The following TOR1B variants were observed in gnomAD, a reference collection of about 807,000 sequenced individuals.
TOR1B encodes torsin family 1 member B.
A neutral mutation model predicts 29.2 loss-of-function variants in TOR1B; 14 were observed. The ratio of observed to expected loss-of-function variants is 0.48; its 90% confidence interval spans 0.32 to 0.75. The LOEUF (loss-of-function observed/expected upper bound fraction) is 0.75, where lower values mean the gene tolerates loss of function less well. TOR1B is among the 30% of genes least tolerant of loss of function. TOR1B has a pLI of 0.04. For synonymous variants in TOR1B, 166 were observed against 179.8 expected, an observed-to-expected ratio of 0.92 and a Z score of 0.62; for missense variants, 400 against 433.9, an observed-to-expected ratio of 0.92 and a Z score of 0.69.
Position 129,807,305 on chromosome 9 carries a change from GACT to G in TOR1B, c.589_591del (p.Tyr197del), listed in dbSNP as rs779503009. 2.3e-5 allele frequency: 37 copies of G among 1,614,080 alleles called. No homozygotes were observed. Among genetic ancestry groups the G allele is most frequent in the Non-Finnish European group, 3.1e-5 (36 of 1,180,054 alleles). ...CATTGACGCAATCAAGCCGTTTCTA[GACT>G]ACTACGAGCAGGTTGACGGAGTGTC... On this transcript the variant is annotated inframe_deletion, in exon 3 of 5. Coordinates refer to ENST00000259339, the MANE Select transcript of TOR1B (RefSeq NM_014506.3).
intron 2 of TOR1B, 46 bp downstream of exon 2, chr9:129,804,384 T>A (rs779585945): frequency 1.9e-6 from 3 of 1,596,130 alleles, no homozygotes; most frequent in Non-Finnish European, 2.6e-6. Flanking sequence ...GTCGGACTGG[T>A]CCGGGTGACC....
rs887772534 is a variant in TOR1B, at chr9:129,810,353, G to C, written c.*770G>C. ...AGCTGACCTGTGTGTGTGTGTGTGG[G>C]GGGGTGGGGCCTTCACCTAAGACCT... is the stretch of plus-strand genomic sequence containing the variant. On this transcript the variant is annotated 3_prime_UTR_variant, in exon 5 of 5. Transcript: ENST00000259339. 1.4e-4 allele frequency: 148 copies of C among 1,092,832 alleles called. 4 individuals carry two copies. Among genetic ancestry groups the C allele is most frequent in the Non-Finnish European group, 1.7e-4 (138 of 822,934 alleles). 67.7% of individuals were successfully genotyped at this position (1,092,832 alleles called of 1,614,324 possible).
intron 3 of TOR1B, 48 bp downstream of exon 3, chr9:129,807,411 A>C: frequency 6.3e-7 from 1 of 1,596,190 alleles, no homozygotes; most frequent in Non-Finnish European, 8.6e-7. Context: ...TCATTCTCTC[A>C]ATGATAAAAT....
In TOR1B at chr9:129,809,554, A is replaced by G; in HGVS notation, c.982A>G (p.Thr328Ala). ...AATCTACTCAGACAAGGGCTGCAAG[A>G]CTGTGCAGTCGCGGCTGGATTTCCA... ...EKIYSDKGCK[T>A]VQSRLDFH Residue 328 changes from threonine (T) to alanine (A), a missense_variant, in exon 5 of 5, where the codon ACT (threonine) becomes GCT (alanine). Physicochemically the swap from Thr to Ala is moderately conservative, Grantham distance 58. Transcript: ENST00000259339. 6.2e-7 allele frequency: 1 copy of G among 1,614,190 alleles called. No individual in the cohort carries two copies. Among genetic ancestry groups the G allele is most frequent in the Non-Finnish European group, 8.5e-7 (1 of 1,180,036 alleles).
At chr9:129,806,295 G>A (rs1389901516) in intron 2 of TOR1B, among the ~76,000 whole-genome samples, 4 of 152,156 alleles carry the variant, frequency 2.6e-5, no homozygotes, top group Non-Finnish European at 4.4e-5. Context: ...ATAAATCTCC[G>A]GAAACAGAGT....
Position 129,803,310 on chromosome 9 carries a change from C to T in TOR1B, c.98C>T (p.Ala33Val). The T allele has an allele frequency of 1.3e-6, 2 of 1,589,986 alleles. No individual in the cohort carries two copies. The highest frequency in any genetic ancestry group is 1.7e-6 in the Non-Finnish European group (2 of 1,171,998). Residue 33 changes from alanine to valine, a missense_variant, in exon 1 of 5, where the codon GCC (alanine) becomes GTC (valine). By Grantham distance (64) the Ala-to-Val change is moderately conservative. Coordinates refer to ENST00000259339, the MANE Select transcript of TOR1B (RefSeq NM_014506.3). ...TTCGAGCCCATCACCGTGGGCCTAG[C>T]CATCGGGGCCGCGTCGGCCATCACC... is the stretch of plus-strand genomic sequence containing the variant. ...AAFEPITVGL[A>V]IGAASAITGY...
intron 1 of TOR1B, 102 bp downstream of exon 1, chr9:129,803,513 T>G: frequency 8.8e-7 from 1 of 1,140,358 alleles, no homozygotes. Context: ...ACCGGGCCCG[T>G]GGCATCTAGA....
chr9:129,803,358 T>C lies in TOR1B; in HGVS notation c.146T>C (p.Ile49Thr). The C allele has an allele frequency of 6.3e-7, 1 of 1,578,530 alleles. No homozygotes were observed. Among genetic ancestry groups the C allele is most frequent in the Non-Finnish European group, 8.6e-7 (1 of 1,165,858 alleles). Residue 49 changes from isoleucine to threonine, a missense_variant, in exon 1 of 5, where the codon ATC becomes ACC. Physicochemically the swap from Ile to Thr is moderately conservative, Grantham distance 89. Coordinates refer to ENST00000259339, the MANE Select transcript of TOR1B (RefSeq NM_014506.3). ...AITGYLSYND[I>T]YCRFAECCRE... The stretch of plus-strand genomic sequence containing the variant: ...ACCGGCTACCTGTCCTACAATGACA[T>C]CTACTGCCGCTTCGCCGAGTGCTGC...
Position 129,803,241 on chromosome 9 carries a change from CGGCGGCGCTGGCGCTGCTGCT to C in TOR1B, c.36_56del (p.Leu13_Ala19del), listed in dbSNP as rs1364646686. 3 of 1,541,398 alleles carry C rather than the reference CGGCGGCGCTGGCGCTGCTGCT, an allele frequency of 1.9e-6. No homozygotes were observed. Among genetic ancestry groups the C allele is most frequent in the East Asian group, 5.0e-5 (2 of 40,152 alleles). On this transcript the variant is annotated inframe_deletion, in exon 1 of 5. Transcript: ENST00000259339. ...TTGCGGGCTGGGTGGCTCCGGGGCGCGGCGGCGCTGGCGCTGCTGCTGGCGGCCCGAGTGGTGGCGGCGTTC... is the reference window on the plus strand; with the variant it reads ...TTGCGGGCTGGGTGGCTCCGGGGCGCGGCGGCCCGAGTGGTGGCGGCGTTC...
At chr9:129,806,551 A>G (rs542943297) in intron 2 of TOR1B, among the ~76,000 whole-genome samples, 136 of 152,328 alleles carry the variant, frequency 8.9e-4, no homozygotes, top group African/African-American at 3.2e-3. Flanking sequence ...GTAGTCCAAG[A>G]GAGATGAAAA....
chr9:129,809,259 A>C, intron 4 of TOR1B, 83 bp from the exon 5 acceptor site: 1 of 1,596,358 alleles, frequency 6.3e-7, no homozygotes, highest in South Asian at 1.1e-5. Context: ...GGGTACGGAC[A>C]TGAGGAATGT....
At position 129,809,499 on chromosome 9, in the gene TOR1B, G is replaced by C; in HGVS notation, c.927G>C (p.Glu309Asp). 6.2e-7 allele frequency: 1 copy of C among 1,614,248 alleles called. No homozygotes were observed. Among genetic ancestry groups the C allele is most frequent in the Non-Finnish European group, 8.5e-7 (1 of 1,180,048 alleles). Reference protein sequence around the residue: ...IDEDIVTRVAEEMTFFPRDEK... With the variant: ...IDEDIVTRVADEMTFFPRDEK... ...AAGACATTGTCACAAGAGTGGCAGAGGAAATGACGTTTTTCCCCAGAGACG... is the reference window on the plus strand; with the variant it reads ...AAGACATTGTCACAAGAGTGGCAGACGAAATGACGTTTTTCCCCAGAGACG... Residue 309 changes from glutamate (E) to aspartate (D), a missense_variant, in exon 5 of 5, where the codon GAG becomes GAC. Coordinates refer to ENST00000259339, the MANE Select transcript of TOR1B (RefSeq NM_014506.3).
In TOR1B at chr9:129,810,131, C is replaced by T; in HGVS notation, c.*548C>T. ...AAGGAGTCCAGGGACTTGCTGCAGG[C>T]TGGGGGGCACTGGGTGGTTCTCACC... On this transcript the variant is annotated 3_prime_UTR_variant, in exon 5 of 5. Transcript: ENST00000259339. The T allele has an allele frequency of 7.7e-7, 1 of 1,300,056 alleles. No individual in the cohort carries two copies. Among genetic ancestry groups the T allele is most frequent in the Non-Finnish European group, 1.0e-6 (1 of 985,726 alleles). The allele number at this position is 1,300,056 out of a possible 1,614,324, so 80.5% of individuals were successfully genotyped here.
chr9:129,806,539 T>G (rs1021107707), intron 2 of TOR1B, among the ~76,000 whole-genome samples: 3 of 152,224 alleles, frequency 2.0e-5, no homozygotes, highest in Non-Finnish European at 4.4e-5. Flanking sequence ...TAACTTGAGA[T>G]TGTAGTCCAA....
intron 3 of TOR1B, 152 bp from the exon 4 acceptor site, chr9:129,808,753 T>C: frequency 2.5e-6 from 2 of 805,562 alleles, no homozygotes; most frequent in Non-Finnish European, 3.9e-6. Context: ...GGTTACTCTA[T>C]GTTGGTCAGG....
intron 3 of TOR1B, 21 bp downstream of exon 3, chr9:129,807,384 T>TG (rs1176608195): frequency 6.2e-7 from 1 of 1,611,752 alleles, no homozygotes; most frequent in African/African-American, 1.3e-5. Flanking sequence ...GGCGGTTTTT[T>TG]GGGGCACACA....
chr9:129,807,140 G>T, intron 2 of TOR1B, 48 bp from the exon 3 acceptor site: 1 of 1,594,708 alleles, frequency 6.3e-7, no homozygotes, highest in Non-Finnish European at 8.6e-7. Flanking sequence ...GCCTCTTGGT[G>T]CACCCTTTGA....
intron 3 of TOR1B, 31 bp downstream of exon 3, chr9:129,807,394 A>T (rs759845478): frequency 1.2e-6 from 2 of 1,610,220 alleles, no homozygotes; most frequent in South Asian, 2.2e-5. Flanking sequence ...TGGGGCACAC[A>T]AGCCCTTCAT....
rs78173949 is a variant in TOR1B, at chr9:129,809,612, C to A, written c.*29C>A. 3 of 1,612,580 alleles carry A rather than the reference C, an allele frequency of 1.9e-6. No individual in the cohort carries two copies. The highest frequency in any genetic ancestry group is 1.7e-5 in the Admixed American group (1 of 59,938). ...CCTATCCAGATGGGGTAGGAGACAG[C>A]TGGGAGGCTCCGCACGCCAGAGGCC... On this transcript the variant is annotated 3_prime_UTR_variant, in exon 5 of 5. Coordinates refer to ENST00000259339, the MANE Select transcript of TOR1B (RefSeq NM_014506.3).
Sources: allele counts gnomAD v4.1 joint callset (sites outside exome capture counted in the v4.1 genomes callset), GRCh38; gene constraint gnomAD v4.1.1; transcripts MANE v1.5; gene names NCBI Gene and HGNC (gene_info 2026-07-23, HGNC 2026-07-21).